The following ATRNL1 variants were observed in gnomAD, a reference collection of about 807,000 sequenced individuals.
ATRNL1 encodes the protein attractin-like protein 1.
Under a neutral mutation model 182.7 loss-of-function variants are expected in ATRNL1, and 95 were observed. The observed-to-expected ratio is 0.52, with a 90% CI of 0.44 to 0.62. The LOEUF is 0.62. Among genes scored for constraint, ATRNL1 ranks in the 20% least tolerant of loss-of-function variants. ATRNL1 has a pLI of 0.00. For missense variants in ATRNL1, 1,471 were observed against 1,679.5 expected (o/e 0.88, Z 2.17); for synonymous variants, 576 against 568.3 (o/e 1.01, Z -0.19).
chr10:115,549,545 A>T lies in ATRNL1; in HGVS notation c.3795+9A>T. ...CTTCTCGACGGAGAGAGGTATCAGT[A>T]ATATTATTTAATCTTTTGTTTAAAG... On this transcript the variant is annotated intron_variant, in intron 26 of 28. Transcript: ENST00000355044. 6.4e-7 allele frequency: 1 copy of T among 1,557,712 alleles called. No homozygotes were observed. Among genetic ancestry groups the T allele is most frequent in the Non-Finnish European group, 8.7e-7 (1 of 1,146,026 alleles).
At chr10:115,529,925 T>C (rs1851465424) in intron 25 of ATRNL1, among the ~76,000 whole-genome samples, 1 of 152,106 alleles carries the variant, frequency 6.6e-6, no homozygotes, top group Admixed American at 6.6e-5. Flanking sequence ...AAATCACTAA[T>C]CTACTTTCTG....
At chr10:115,421,420 A>G (rs147773219) in intron 20 of ATRNL1, among the ~76,000 whole-genome samples, 62 of 152,300 alleles carry the variant, frequency 4.1e-4, no homozygotes, top group African/African-American at 1.2e-3. Context: ...GTTACATTGC[A>G]TTACTAGGAT....
intron 28 of ATRNL1, among the ~76,000 whole-genome samples, chr10:115,881,621 C>T (rs907208808): frequency 5.3e-5 from 8 of 152,154 alleles, no homozygotes; most frequent in Non-Finnish European, 1.0e-4. Context: ...GTTCAAAAAC[C>T]AAAAGAACTA....
intron 26 of ATRNL1, among the ~76,000 whole-genome samples, chr10:115,631,895 A>G (rs782772638): frequency 6.6e-6 from 1 of 152,112 alleles, no homozygotes. Flanking sequence ...AGTCGAGTCT[A>G]TATTCCAACC....
chr10:115,501,775 A>C (rs1184667238), intron 24 of ATRNL1, among the ~76,000 whole-genome samples: 2 of 152,200 alleles, frequency 1.3e-5, no homozygotes, highest in Non-Finnish European at 2.9e-5. Context: ...TTAAGCAAAA[A>C]GTTAAAAAGA....
At chr10:115,171,350 A>G in intron 8 of ATRNL1, 58 bp downstream of exon 8, 1 of 1,418,712 alleles carries the variant, frequency 7.0e-7, no homozygotes, top group Non-Finnish European at 9.6e-7. Context: ...TCTCTTTAAT[A>G]AAATCTTCAT....
intron 13 of ATRNL1, among the ~76,000 whole-genome samples, chr10:115,277,587 C>A (rs1592368430): frequency 6.6e-6 from 1 of 151,876 alleles, no homozygotes; most frequent in Non-Finnish European, 1.5e-5. Flanking sequence ...CAAAACAAAA[C>A]AAAAAGATTG....
chr10:115,230,361 A>G (rs1554899672), intron 9 of ATRNL1, among the ~76,000 whole-genome samples: 1 of 152,186 alleles, frequency 6.6e-6, no homozygotes, highest in Non-Finnish European at 1.5e-5. Flanking sequence ...TAAAACCTAA[A>G]GGCGATTAAG....
intron 27 of ATRNL1, among the ~76,000 whole-genome samples, 177 bp from the exon 28 acceptor site, chr10:115,847,700 C>G (rs1447164062): frequency 6.6e-6 from 1 of 152,076 alleles, no homozygotes; most frequent in Non-Finnish European, 1.5e-5. Context: ...TTGATTTATT[C>G]AAGTGTAGGC....
At chr10:115,835,854 T>G (rs1304295666) in intron 27 of ATRNL1, among the ~76,000 whole-genome samples, 2 of 152,116 alleles carry the variant, frequency 1.3e-5, no homozygotes, top group African/African-American at 4.8e-5. Flanking sequence ...GTTCAGAGAC[T>G]TAGCCTCTTG....
At chr10:115,619,408 T>G (rs566807730) in intron 26 of ATRNL1, among the ~76,000 whole-genome samples, 37 of 152,118 alleles carry the variant, frequency 2.4e-4, no homozygotes, top group African/African-American at 8.4e-4. Context: ...TGAAGTGGAC[T>G]GTGTGCCCTG....
At chr10:115,787,943 G>C (rs1037180669) in intron 27 of ATRNL1, among the ~76,000 whole-genome samples, 2 of 152,160 alleles carry the variant, frequency 1.3e-5, no homozygotes, top group Admixed American at 6.5e-5. Context: ...GATTTGAGCC[G>C]TTTAAACACA....
intron 26 of ATRNL1, among the ~76,000 whole-genome samples, chr10:115,575,758 C>T (rs1333402575): frequency 2.0e-5 from 3 of 151,906 alleles, no homozygotes; most frequent in Non-Finnish European, 2.9e-5. Context: ...GTGGTAAGAG[C>T]ACCTGAAATC....
intron 18 of ATRNL1, among the ~76,000 whole-genome samples, chr10:115,333,319 T>C (rs1206847845): frequency 6.6e-6 from 1 of 152,210 alleles, no homozygotes; most frequent in Admixed American, 6.5e-5. Flanking sequence ...TATTCTGCTG[T>C]AATATTAACA....
At chr10:115,425,128 T>G (rs1443738163) in intron 20 of ATRNL1, among the ~76,000 whole-genome samples, 2 of 152,056 alleles carry the variant, frequency 1.3e-5, no homozygotes, top group African/African-American at 2.4e-5. Flanking sequence ...AGCACATGGC[T>G]GAAAAATGCA....
chr10:115,467,579 T>A (rs1592700572), intron 23 of ATRNL1, among the ~76,000 whole-genome samples: 1 of 150,710 alleles, frequency 6.6e-6, no homozygotes, highest in Admixed American at 6.6e-5. Flanking sequence ...AATTATTTGA[T>A]TCACTATTAA....
chr10:115,726,784 GTATATGT>G (rs1947610466), intron 26 of ATRNL1, among the ~76,000 whole-genome samples: 1 of 151,830 alleles, frequency 6.6e-6, no homozygotes, highest in South Asian at 2.1e-4. Context: ...GTCTTGGCAG[GTATATGT>G]TCCTTTAATT....
At chr10:115,348,884 T>G (rs1856100541) in intron 19 of ATRNL1, among the ~76,000 whole-genome samples, 1 of 152,160 alleles carries the variant, frequency 6.6e-6, no homozygotes, top group Non-Finnish European at 1.5e-5. Flanking sequence ...TTAATACAAA[T>G]AGATAATGTG....
At chr10:115,770,166 A>G (rs1565363667) in intron 27 of ATRNL1, among the ~76,000 whole-genome samples, 1 of 152,074 alleles carries the variant, frequency 6.6e-6, no homozygotes, top group Non-Finnish European at 1.5e-5. Context: ...AAAACAAGAG[A>G]AAGTTTATAA....
Sources: allele counts gnomAD v4.1 joint callset (sites outside exome capture counted in the v4.1 genomes callset), GRCh38; gene constraint gnomAD v4.1.1; transcripts MANE v1.5; gene names NCBI Gene and HGNC (gene_info 2026-07-23, HGNC 2026-07-21).